C20orf96: variants seen among roughly 807,000 people sequenced by gnomAD.
C20orf96 encodes uncharacterized protein C20orf96.
Under a neutral mutation model 52.6 loss-of-function variants are expected in C20orf96, and 57 were observed. The observed-to-expected ratio is 1.08, with a 90% confidence interval of 0.88 to 1.35. The LOEUF (loss-of-function observed/expected upper bound fraction) is 1.35, where lower values mean the gene tolerates loss of function less well. Among genes scored for constraint, C20orf96 ranks in the 40% most tolerant of loss-of-function variants. C20orf96 has a pLI of 0.00. For synonymous variants in C20orf96, 168 were observed against 157.2 expected (o/e 1.07, Z -0.51); for missense variants, 478 against 443.6 (o/e 1.08, Z -0.70).
chr20:283,282 C>T (rs543729970), intron 4 of C20orf96, among the ~76,000 whole-genome samples: 1 of 152,128 alleles, frequency 6.6e-6, no homozygotes, highest in East Asian at 1.9e-4. Flanking sequence ...CTTCAAAGTA[C>T]ACTGTAAGAA....
At chr20:275,378 G>A (rs898363853) in intron 10 of C20orf96, among the ~76,000 whole-genome samples, 10 of 151,818 alleles carry the variant, frequency 6.6e-5, no homozygotes, top group African/African-American at 2.4e-4. Context: ...AGAGGAGAAG[G>A]AAGGAAAACG....
intron 4 of C20orf96, among the ~76,000 whole-genome samples, chr20:280,083 G>C (rs73891907): frequency 6.6e-6 from 1 of 152,002 alleles, no homozygotes; most frequent in East Asian, 1.9e-4. Context: ...CAGCATTTCC[G>C]GGCAGGCCGC....
In C20orf96 at chr20:290,690, GTC is replaced by G; in HGVS notation, c.-82_-81del. On this transcript the variant is annotated 5_prime_UTR_variant, in exon 1 of 11. Transcript: ENST00000360321. ...ACTACTCGGCTTTTCCAACTTCCTT[GTC>G]TCAGTGTAGATCGCGCGGTAACCCA... 6.4e-7 allele frequency: 1 copy of G among 1,568,216 alleles called. No individual in the cohort carries two copies.
At chr20:277,654 G>T (rs6046446) in intron 6 of C20orf96, among the ~76,000 whole-genome samples, 67,994 of 151,870 alleles carry the variant, frequency 0.45, 15,320 homozygotes, top group East Asian at 0.51. Flanking sequence ...TGACTTGCCG[G>T]GTGGCTCTCG....
intron 3 of C20orf96, among the ~76,000 whole-genome samples, chr20:285,489 G>A (rs569159122): frequency 5.9e-5 from 9 of 152,114 alleles, no homozygotes; most frequent in East Asian, 1.9e-4. Flanking sequence ...GTATATATCC[G>A]GTTTTTAGTT....
At chr20:290,228 C>A in intron 2 of C20orf96, 31 bp downstream of exon 2, 1 of 1,569,196 alleles carries the variant, frequency 6.4e-7, no homozygotes, top group Non-Finnish European at 8.7e-7. Flanking sequence ...CAGCGAGCCT[C>A]CCACCCCAGC....
At chr20:277,880 A>G (rs1231046853) in intron 6 of C20orf96, among the ~76,000 whole-genome samples, 1 of 152,178 alleles carries the variant, frequency 6.6e-6, no homozygotes, top group African/African-American at 2.4e-5. Flanking sequence ...AGGGAAAAGG[A>G]ACCACAGGCC....
At position 289,687 on chromosome 20, in the gene C20orf96, T is replaced by C. The variant is rs753605083; in HGVS notation, c.70-11A>G. On this transcript the variant is annotated splice_polypyrimidine_tract_variant and intron_variant, in intron 2 of 10. Coordinates refer to ENST00000360321, the MANE Select transcript of C20orf96 (RefSeq NM_153269.3). ...CCATGGAACATAATCCTACAAAATATACAATCAGTCACATAGCACCATGAG... is the reference window on the plus strand; with the variant it reads ...CCATGGAACATAATCCTACAAAATACACAATCAGTCACATAGCACCATGAG... 1.4e-4 allele frequency: 229 copies of C among 1,597,542 alleles called. No homozygotes were observed. The highest frequency in any genetic ancestry group is 1.9e-4 in the Non-Finnish European group (226 of 1,165,050).
rs747524062 is a variant in C20orf96 at position 278,400 on chromosome 20, GT to G, written c.494del (p.Asn165ThrfsTer8). 1.2e-6 allele frequency: 2 copies of G among 1,613,706 alleles called. No homozygotes were observed. The highest frequency in any genetic ancestry group is 2.7e-5 in the African/African-American group (2 of 74,848). On this transcript the variant is annotated frameshift_variant, in exon 6 of 11. Coordinates refer to ENST00000360321, the MANE Select transcript of C20orf96 (RefSeq NM_153269.3). LOFTEE classifies it high-confidence loss of function. ...ATTTCAATTGCTGCAGCCTCTTCTTGTTTGAGTACTCCAAGATGTCGATGAT... is the reference window on the plus strand; with the variant it reads ...ATTTCAATTGCTGCAGCCTCTTCTTGTTGAGTACTCCAAGATGTCGATGAT... ...ATIIDILEYS[N>X]KKRLQQLKSE...
intron 8 of C20orf96, 67 bp from the exon 9 acceptor site, chr20:276,946 G>A (rs913716618): frequency 1.4e-5 from 22 of 1,602,796 alleles, no homozygotes; most frequent in African/African-American, 6.7e-5. Flanking sequence ...GGTAGAGACC[G>A]ATGGGGCTGC....
chr20:276,336 G>C, intron 9 of C20orf96: 1 of 985,378 alleles, frequency 1.0e-6, no homozygotes, highest in South Asian at 4.7e-5. Flanking sequence ...ACAAAGTGGC[G>C]GGGAATGCTC....
At chr20:278,669 C>T (rs895117016) in intron 5 of C20orf96, among the ~76,000 whole-genome samples, 2 of 151,348 alleles carry the variant, frequency 1.3e-5, no homozygotes, top group Non-Finnish European at 2.9e-5. Flanking sequence ...TAGCAGCGAC[C>T]TCTGTCGCAC....
Position 278,402 on chromosome 20 carries a change from T to A in C20orf96, c.493A>T (p.Asn165Tyr), listed in dbSNP as rs764316427. 2 of 1,613,782 alleles carry A rather than the reference T, an allele frequency of 1.2e-6. No homozygotes were observed. The highest frequency in any genetic ancestry group is 2.7e-5 in the African/African-American group (2 of 74,886). Residue 165 changes from asparagine (N) to tyrosine (Y), a missense_variant, in exon 6 of 11, where the codon AAC becomes TAC. Physicochemically the swap from Asn to Tyr is moderately radical, Grantham distance 143. Transcript: ENST00000360321. ...TTCAATTGCTGCAGCCTCTTCTTGT[T>A]TGAGTACTCCAAGATGTCGATGATG... ...ATIIDILEYSNKKRLQQLKSE... is the reference protein window; with the variant it reads ...ATIIDILEYSYKKRLQQLKSE...
In C20orf96 at chr20:277,700, G is replaced by C. The variant is rs1027611060; in HGVS notation, c.566-317C>G. Among the ~76,000 whole-genome samples the C allele has an allele frequency of 2.0e-5, 3 of 152,328 alleles. No individual in the cohort carries two copies. In the South Asian group the frequency reaches 6.2e-4, roughly 32 times the overall value. On this transcript the variant is annotated intron_variant, in intron 6 of 10. Coordinates refer to ENST00000360321, the MANE Select transcript of C20orf96 (RefSeq NM_153269.3). ...CCCTCTCCAGACTTCAGTCTCCTCA[G>C]AGACACACTCAAGGAAGTGAGACCA...
Position 286,557 on chromosome 20 carries a change from G to A in C20orf96, c.188-2476C>T, listed in dbSNP as rs1179754795. Among the ~76,000 whole-genome samples the A allele has an allele frequency of 2.0e-5, 3 of 149,442 alleles. No individual in the cohort carries two copies. The Admixed American group carries it at 2.0e-4, about 10-fold the overall frequency. On this transcript the variant is annotated intron_variant, in intron 3 of 10. Coordinates refer to ENST00000360321, the MANE Select transcript of C20orf96 (RefSeq NM_153269.3). The stretch of plus-strand genomic sequence containing the variant: ...AAAAGGAAAGGAAAGGAGAGGAGAG[G>A]AGAGGGGAGGGGAAGGGAGGGGAGA...
chr20:276,767 G>C (rs1172816777), intron 9 of C20orf96, 26 bp downstream of exon 9: 9 of 1,606,064 alleles, frequency 5.6e-6, no homozygotes, highest in South Asian at 1.1e-5. Flanking sequence ...TCCCTACAGG[G>C]ACCACCACCT....
intron 3 of C20orf96, among the ~76,000 whole-genome samples, chr20:289,279 C>T (rs1312439094): frequency 6.6e-6 from 1 of 151,648 alleles, no homozygotes; most frequent in East Asian, 1.9e-4. Context: ...GCAAAAGTAT[C>T]CAGCAGAAGA....
intron 3 of C20orf96, among the ~76,000 whole-genome samples, chr20:289,199 C>CCT (rs1386167935): frequency 6.7e-6 from 1 of 149,868 alleles, no homozygotes; most frequent in Non-Finnish European, 1.5e-5. Context: ...AATCTGGACC[C>CCT]CCCCCAAAAA....
chr20:279,553 T>C (rs1166546708), intron 4 of C20orf96, among the ~76,000 whole-genome samples: 2 of 152,134 alleles, frequency 1.3e-5, no homozygotes, highest in Non-Finnish European at 2.9e-5. Context: ...TCATCTCACA[T>C]CCCTGAGGTG....
Sources: gnomAD v4.1 joint callset for allele counts (sites outside exome capture counted in the v4.1 genomes callset) on GRCh38, gnomAD v4.1.1 for gene constraint, MANE v1.5 for transcripts, NCBI Gene and HGNC (gene_info 2026-07-23, HGNC 2026-07-21) for gene names.